The following HTR1F variants were observed in gnomAD, a reference collection of about 807,000 sequenced individuals.
HTR1F encodes 5-hydroxytryptamine (serotonin) receptor 1F, G protein-coupled.
In HTR1F, 17 loss-of-function variants were observed where a neutral mutation model predicts 24.0. That is an observed-to-expected ratio of 0.71 (90% CI 0.48 to 1.06). HTR1F has a LOEUF of 1.06. Among genes scored for constraint, HTR1F ranks in the 50% least tolerant of loss-of-function variants. The probability of loss-of-function intolerance (pLI) is 0.00; values close to 1 mark genes in which losing one functional copy is unlikely to be tolerated. For missense variants in HTR1F, 391 were observed against 427.8 expected, an observed-to-expected ratio of 0.91 and a Z score of 0.76; for synonymous variants, 186 against 156.8, an observed-to-expected ratio of 1.19 and a Z score of -1.39.
intron 2 of HTR1F, among the ~76,000 whole-genome samples, chr3:87,971,776 T>C (rs547140433): frequency 6.6e-6 from 1 of 152,296 alleles, no homozygotes; most frequent in African/African-American, 2.4e-5. Context: ...CATGTACACT[T>C]TTCAGCACTC....
chr3:87,947,800 T>TC (rs1704744291), intron 2 of HTR1F, among the ~76,000 whole-genome samples: 1 of 151,886 alleles, frequency 6.6e-6, no homozygotes. Context: ...ATTTATTATA[T>TC]AACTATTATG....
chr3:87,865,514 G>A (rs1705408763), intron 2 of HTR1F, among the ~76,000 whole-genome samples: 1 of 150,480 alleles, frequency 6.6e-6, no homozygotes, highest in Admixed American at 6.6e-5. Flanking sequence ...TTGACTGACT[G>A]TTACCATCAC....
At chr3:87,895,740 A>C (rs1383776541) in intron 2 of HTR1F, among the ~76,000 whole-genome samples, 2 of 152,204 alleles carry the variant, frequency 1.3e-5, no homozygotes, top group Non-Finnish European at 2.9e-5. Flanking sequence ...AGATAAAAAA[A>C]CTTTTTCTTA....
chr3:87,971,042 C>A (rs1705276171), intron 2 of HTR1F, among the ~76,000 whole-genome samples: 1 of 152,144 alleles, frequency 6.6e-6, no homozygotes, highest in Non-Finnish European at 1.5e-5. Context: ...ATGACACTAC[C>A]TTCCATCCAA....
intron 2 of HTR1F, among the ~76,000 whole-genome samples, chr3:87,874,697 TA>T (rs1705632217): frequency 6.6e-6 from 1 of 151,230 alleles, no homozygotes; most frequent in Admixed American, 6.6e-5. Flanking sequence ...GAAACAAACT[TA>T]AGAAAGAAAA....
At chr3:87,890,353 T>G (rs1348267326) in intron 2 of HTR1F, among the ~76,000 whole-genome samples, 3 of 152,224 alleles carry the variant, frequency 2.0e-5, no homozygotes, top group Non-Finnish European at 2.9e-5. Flanking sequence ...TATAAAATTT[T>G]TATCTCTATT....
chr3:87,983,586 C>A (rs1367056583), intron 2 of HTR1F, among the ~76,000 whole-genome samples: 1 of 152,156 alleles, frequency 6.6e-6, no homozygotes, highest in East Asian at 1.9e-4. Context: ...CAATGCTGGC[C>A]TATTTTCTCA....
intron 2 of HTR1F, among the ~76,000 whole-genome samples, chr3:87,929,117 C>A (rs1326194628): frequency 6.6e-6 from 1 of 152,162 alleles, no homozygotes; most frequent in Non-Finnish European, 1.5e-5. Flanking sequence ...CAGGAATTAG[C>A]TATTGTCTGG....
intron 2 of HTR1F, among the ~76,000 whole-genome samples, chr3:87,931,361 C>A (rs1308500304): frequency 6.6e-6 from 1 of 152,130 alleles, no homozygotes; most frequent in Non-Finnish European, 1.5e-5. Flanking sequence ...ATCCATGTCC[C>A]TACAAAGGAC....
chr3:87,869,420 G>C (rs990351), intron 2 of HTR1F, among the ~76,000 whole-genome samples: 10,105 of 133,254 alleles, frequency 0.076, 423 homozygotes, highest in East Asian at 0.13. Flanking sequence ...TAGATAGATA[G>C]ATAGATAGAT....
rs934629944 is a variant in HTR1F, at chr3:87,993,265, A to C, written c.*1415A>C. The C allele has an allele frequency of 1.8e-5, 3 of 166,682 alleles. No homozygotes were observed. The highest frequency in any genetic ancestry group is 7.3e-5 in the African/African-American group (3 of 41,302). 10.3% of individuals were successfully genotyped at this position (166,682 alleles called of 1,614,324 possible). On this transcript the variant is annotated 3_prime_UTR_variant, in exon 3 of 3. Transcript: ENST00000319595. ...ATAGATCTGTGACAAATTACTCTCA[A>C]TCTAACAAACATTTACAGAGTTCCC...
chr3:87,971,112 C>T (rs1173494610), intron 2 of HTR1F, among the ~76,000 whole-genome samples: 6 of 152,240 alleles, frequency 3.9e-5, no homozygotes, highest in Non-Finnish European at 8.8e-5. Flanking sequence ...CACCTTAACA[C>T]ATACATGCTC....
At chr3:87,827,217 C>T (rs968750008) in intron 2 of HTR1F, among the ~76,000 whole-genome samples, 2 of 151,224 alleles carry the variant, frequency 1.3e-5, no homozygotes, top group Non-Finnish European at 2.9e-5. Flanking sequence ...TTTCCTGCAC[C>T]TATTGACCCA....
At chr3:87,974,723 T>G (rs894297460) in intron 2 of HTR1F, among the ~76,000 whole-genome samples, 25 of 152,192 alleles carry the variant, frequency 1.6e-4, no homozygotes, top group African/African-American at 5.8e-4. Flanking sequence ...GCAGAGTAGG[T>G]GTATGTGTCT....
intron 1 of HTR1F, among the ~76,000 whole-genome samples, chr3:87,818,296 G>A (rs1046563744): frequency 6.6e-6 from 1 of 152,176 alleles, no homozygotes; most frequent in African/African-American, 2.4e-5. Flanking sequence ...AGGTGCACAA[G>A]GGAATGGGCA....
At chr3:87,862,789 C>T (rs1014272071) in intron 2 of HTR1F, among the ~76,000 whole-genome samples, 3 of 151,942 alleles carry the variant, frequency 2.0e-5, no homozygotes, top group African/African-American at 4.8e-5. Flanking sequence ...AATGGCTAAT[C>T]TGACTCATGT....
intron 2 of HTR1F, among the ~76,000 whole-genome samples, chr3:87,848,015 T>G (rs1575940259): frequency 1.3e-5 from 2 of 152,094 alleles, no homozygotes; most frequent in Admixed American, 1.3e-4. Flanking sequence ...TTTATTTTCC[T>G]TTGGATAATC....
chr3:87,869,294 A>G lies in HTR1F; in HGVS notation c.-43+47170A>G, dbSNP rs1407039892. On this transcript the variant is annotated intron_variant, in intron 2 of 2. Coordinates refer to ENST00000319595, the MANE Select transcript of HTR1F (RefSeq NM_001322209.2). ...TCCTAGTTTAATTATCATGAACATT[A>G]TTTGAAAGCTCTCCATACCACAGCA... Among the ~76,000 whole-genome samples, 3 of 152,048 alleles carry G rather than the reference A, an allele frequency of 2.0e-5. No individual in the cohort carries two copies. In the East Asian group the frequency reaches 5.8e-4, roughly 29 times the overall value.
intron 2 of HTR1F, among the ~76,000 whole-genome samples, chr3:87,889,286 A>T (rs1706027081): frequency 6.6e-6 from 1 of 152,192 alleles, no homozygotes; most frequent in Admixed American, 6.6e-5. Context: ...GTATTCCTTT[A>T]TAGCAACACT....
Sources: allele counts gnomAD v4.1 joint callset (sites outside exome capture counted in the v4.1 genomes callset), GRCh38; gene constraint gnomAD v4.1.1; transcripts MANE v1.5; gene names NCBI Gene and HGNC (gene_info 2026-07-23, HGNC 2026-07-21).